LRP1B: variants seen among roughly 807,000 people sequenced by gnomAD.
LRP1B encodes the protein low-density lipoprotein receptor-related protein 1B.
In LRP1B, 217 loss-of-function variants were observed where a neutral mutation model predicts 556.6. That is an observed-to-expected ratio of 0.39 (90% CI 0.35 to 0.44). The LOEUF (loss-of-function observed/expected upper bound fraction) is 0.44, where lower values mean the gene tolerates loss of function less well. Among genes scored for constraint, LRP1B ranks in the 20% least tolerant of loss-of-function variants. LRP1B has a pLI of 1.00. For missense variants in LRP1B, 5,053 were observed against 5,620.8 expected (o/e 0.90, Z 3.23); for synonymous variants, 2,047 against 1,865.8 (o/e 1.10, Z -2.50).
chr2:141,850,661 T>C (rs905350440), intron 1 of LRP1B, among the ~76,000 whole-genome samples: 2 of 149,214 alleles, frequency 1.3e-5, no homozygotes, highest in African/African-American at 4.9e-5. Flanking sequence ...TGTGTGAGCA[T>C]GTACACAAAA....
chr2:141,249,746 A>G (rs574828517), intron 4 of LRP1B, among the ~76,000 whole-genome samples: 10 of 152,208 alleles, frequency 6.6e-5, no homozygotes, highest in Non-Finnish European at 1.2e-4. Flanking sequence ...GTTATATGCA[A>G]TGCATGAATC....
chr2:140,964,282 C>G (rs865775970), intron 18 of LRP1B, among the ~76,000 whole-genome samples: 1 of 152,110 alleles, frequency 6.6e-6, no homozygotes, highest in East Asian at 1.9e-4. Flanking sequence ...GGACTAGGAG[C>G]GTGACCACTG....
chr2:141,039,494 G>A (rs1280914040), intron 11 of LRP1B, among the ~76,000 whole-genome samples: 1 of 151,846 alleles, frequency 6.6e-6, no homozygotes, highest in Non-Finnish European at 1.5e-5. Context: ...CGATAAAGGG[G>A]GCTACTGTAG....
chr2:140,543,251 T>G (rs902730970), intron 43 of LRP1B, among the ~76,000 whole-genome samples: 2 of 152,016 alleles, frequency 1.3e-5, no homozygotes, highest in Non-Finnish European at 2.9e-5. Flanking sequence ...ACTTTTGCTT[T>G]CACTTTAAGA....
chr2:141,953,113 T>C (rs1238346413), intron 1 of LRP1B, among the ~76,000 whole-genome samples: 2 of 151,948 alleles, frequency 1.3e-5, no homozygotes, highest in Admixed American at 6.6e-5. Context: ...TGACTGGGAG[T>C]GTGTGTCTGT....
intron 12 of LRP1B, among the ~76,000 whole-genome samples, chr2:141,017,038 T>C (rs185688387): frequency 4.6e-5 from 7 of 152,074 alleles, no homozygotes; most frequent in African/African-American, 1.7e-4. Context: ...GGTTTCCAGT[T>C]ATGTTGATAT....
intron 2 of LRP1B, among the ~76,000 whole-genome samples, chr2:141,795,656 GAT>G (rs1019107601): frequency 2.0e-5 from 3 of 151,634 alleles, no homozygotes; most frequent in African/African-American, 7.3e-5. Context: ...AAGCCAAGGG[GAT>G]GTCAATTCCA....
chr2:141,668,329 G>C (rs1373532683), intron 2 of LRP1B, among the ~76,000 whole-genome samples: 1 of 152,130 alleles, frequency 6.6e-6, no homozygotes, highest in Non-Finnish European at 1.5e-5. Context: ...CCACCCTCAA[G>C]CCTGGAATGG....
At chr2:141,143,605 T>C (rs1373587017) in intron 7 of LRP1B, among the ~76,000 whole-genome samples, 1 of 152,172 alleles carries the variant, frequency 6.6e-6, no homozygotes, top group East Asian at 1.9e-4. Flanking sequence ...ATCCTATTTT[T>C]CAAACAAATA....
intron 20 of LRP1B, among the ~76,000 whole-genome samples, chr2:140,949,593 T>TAA (rs1553564404): frequency 6.6e-6 from 1 of 151,976 alleles, no homozygotes; most frequent in African/African-American, 2.4e-5. Context: ...TCTTTTTTTT[T>TAA]TATATATTTT....
chr2:140,915,526 T>C (rs191073914), intron 21 of LRP1B, among the ~76,000 whole-genome samples: 8 of 151,866 alleles, frequency 5.3e-5, no homozygotes, highest in African/African-American at 1.7e-4. Flanking sequence ...TGGTGATGCA[T>C]GCCTATAATC....
At chr2:141,260,166 C>T (rs1200969991) in intron 3 of LRP1B, among the ~76,000 whole-genome samples, 1 of 152,060 alleles carries the variant, frequency 6.6e-6, no homozygotes, top group African/African-American at 2.4e-5. Flanking sequence ...AAATCTCCAA[C>T]AGATAGTGAA....
At chr2:140,247,756 A>G (rs13428049) in intron 86 of LRP1B, among the ~76,000 whole-genome samples, 6,204 of 151,742 alleles carry the variant, frequency 0.041, 440 homozygotes, top group African/African-American at 0.14. Context: ...TTTCCCATGT[A>G]AGTACTATAA....
At chr2:140,875,861 C>T (rs1033399619) in intron 25 of LRP1B, among the ~76,000 whole-genome samples, 1 of 152,058 alleles carries the variant, frequency 6.6e-6, no homozygotes, top group African/African-American at 2.4e-5. Flanking sequence ...ACTTTGTGTA[C>T]ATTATCAGTA....
At chr2:141,176,142 C>T (rs1680724945) in intron 7 of LRP1B, among the ~76,000 whole-genome samples, 2 of 152,052 alleles carry the variant, frequency 1.3e-5, no homozygotes, top group Non-Finnish European at 2.9e-5. Flanking sequence ...TTCCTTGTCT[C>T]AGATAAGACT....
intron 1 of LRP1B, among the ~76,000 whole-genome samples, chr2:142,116,306 A>G (rs1224166116): frequency 1.3e-5 from 2 of 151,844 alleles, no homozygotes; most frequent in East Asian, 3.9e-4. Context: ...GGGTATACTG[A>G]GTAGGGCACA....
chr2:140,726,539 T>A, intron 35 of LRP1B, among the ~76,000 whole-genome samples: 1 of 152,182 alleles, frequency 6.6e-6, no homozygotes, highest in East Asian at 1.9e-4. Context: ...GGGAGTGATA[T>A]GACAAAGCTT....
chr2:140,790,450 T>C (rs1403243722), intron 32 of LRP1B, among the ~76,000 whole-genome samples: 2 of 152,158 alleles, frequency 1.3e-5, no homozygotes, highest in Non-Finnish European at 2.9e-5. Context: ...TTTAGTTTCA[T>C]TTTTATATCC....
At chr2:141,807,162 A>T (rs1696191337) in intron 2 of LRP1B, among the ~76,000 whole-genome samples, 1 of 152,088 alleles carries the variant, frequency 6.6e-6, no homozygotes, top group Non-Finnish European at 1.5e-5. Context: ...CTGCATGTGA[A>T]TATCATAAAA....
Sources: allele counts gnomAD v4.1 joint callset (sites outside exome capture counted in the v4.1 genomes callset), GRCh38; gene constraint gnomAD v4.1.1; transcripts MANE v1.5; gene names NCBI Gene and HGNC (gene_info 2026-07-23, HGNC 2026-07-21).